The following GLT1D1 variants were observed in gnomAD, a reference collection of about 807,000 sequenced individuals.
GLT1D1 encodes glycosyltransferase 1 domain containing 1.
In GLT1D1, 21 loss-of-function variants were observed where a neutral mutation model predicts 28.7. That is an observed-to-expected ratio of 0.73 (90% CI 0.52 to 1.05). GLT1D1 has a LOEUF of 1.05. Among genes scored for constraint, GLT1D1 ranks in the 50% least tolerant of loss-of-function variants. The pLI is 0.00. For synonymous variants in GLT1D1, 147 were observed against 124.8 expected (o/e 1.18, Z -1.19); for missense variants, 343 against 330.6 (o/e 1.04, Z -0.29).
At position 128,968,047 on chromosome 12, in the gene GLT1D1, A is replaced by T. The variant is rs183198299; in HGVS notation, c.639+10404A>T. On this transcript the variant is annotated intron_variant, in intron 7 of 7. Coordinates refer to ENST00000281703, the MANE Select transcript of GLT1D1 (RefSeq NM_144669.3). ...AGTCTCGCTCTGTCGCCCAGGCTGG[A>T]GTGCAGTGGCGCAAACTCAGCTCAC... 1.6e-3 allele frequency among the ~76,000 whole-genome samples: 243 copies of T among 152,162 alleles called. 1 individual carries two copies. Among genetic ancestry groups the T allele is most frequent in the African/African-American group, 5.3e-3 (221 of 41,538 alleles).
At position 128,949,161 on chromosome 12, in the gene GLT1D1, G is replaced by A. The variant is rs1425883480; in HGVS notation, c.540+1703G>A. Among the ~76,000 whole-genome samples, 124 of 152,308 alleles carry A rather than the reference G, an allele frequency of 8.1e-4. 1 individual carries two copies. Among genetic ancestry groups the A allele is most frequent in the Non-Finnish European group, 1.9e-4 (13 of 68,034 alleles). ...TTGAACTATTGTGAACTGCTCCTTTGTAGGTAAATATACATTTTTTTTCAA... is the reference window on the plus strand; with the variant it reads ...TTGAACTATTGTGAACTGCTCCTTTATAGGTAAATATACATTTTTTTTCAA... On this transcript the variant is annotated intron_variant, in intron 6 of 7. Coordinates refer to ENST00000281703, the MANE Select transcript of GLT1D1 (RefSeq NM_144669.3).
intron 4 of GLT1D1, among the ~76,000 whole-genome samples, chr12:128,939,696 G>A (rs1004442057): frequency 4.6e-5 from 7 of 152,148 alleles, no homozygotes; most frequent in African/African-American, 7.2e-5. Flanking sequence ...AGTGGAAGGC[G>A]AAGGGGAAGT....
At chr12:128,940,736 C>T (rs1417212521) in intron 4 of GLT1D1, among the ~76,000 whole-genome samples, 4 of 152,180 alleles carry the variant, frequency 2.6e-5, no homozygotes, top group African/African-American at 7.2e-5. Context: ...GGAGTCAAGT[C>T]GGGACTGGAG....
At chr12:128,857,688 G>A (rs1341636278) in intron 1 of GLT1D1, among the ~76,000 whole-genome samples, 1 of 152,138 alleles carries the variant, frequency 6.6e-6, no homozygotes, top group Non-Finnish European at 1.5e-5. Flanking sequence ...ACTGACCCTG[G>A]ACACTTGGTG....
At chr12:128,964,722 T>C (rs1397444308) in intron 7 of GLT1D1, among the ~76,000 whole-genome samples, 1 of 152,078 alleles carries the variant, frequency 6.6e-6, no homozygotes, top group African/African-American at 2.4e-5. Context: ...CACCCTGGCA[T>C]GTTGTGTTAT....
At chr12:128,962,268 T>A (rs1442648266) in intron 7 of GLT1D1, among the ~76,000 whole-genome samples, 1 of 152,258 alleles carries the variant, frequency 6.6e-6, no homozygotes, top group African/African-American at 2.4e-5. Context: ...TCAACTGTTC[T>A]CCTAGCTGCC....
chr12:128,959,311 C>G (rs1877650076), intron 7 of GLT1D1, among the ~76,000 whole-genome samples: 1 of 150,188 alleles, frequency 6.7e-6, no homozygotes, highest in Non-Finnish European at 1.5e-5. Context: ...CTTTCCCTTT[C>G]TATAGTGTGG....
At chr12:128,875,288 A>G (rs1452743985) in intron 1 of GLT1D1, among the ~76,000 whole-genome samples, 1 of 152,180 alleles carries the variant, frequency 6.6e-6, no homozygotes, top group Admixed American at 6.5e-5. Flanking sequence ...ATGCCACTGG[A>G]GGTGGCAGTG....
At chr12:128,973,953 G>T (rs1191494088) in intron 7 of GLT1D1, among the ~76,000 whole-genome samples, 74 of 146,120 alleles carry the variant, frequency 5.1e-4, no homozygotes, top group African/African-American at 5.8e-4. Context: ...GTGTGTGTGG[G>T]GGGGGCGCTT....
chr12:128,963,907 C>T (rs563693499), intron 7 of GLT1D1, among the ~76,000 whole-genome samples: 10 of 152,200 alleles, frequency 6.6e-5, no homozygotes, highest in Admixed American at 1.3e-4. Context: ...CCATCATGAG[C>T]GACACCTGTC....
Position 128,854,394 on chromosome 12 carries a change from CGTGTGTGTGT to C in GLT1D1, c.68+780_68+789del, listed in dbSNP as rs56655033. 4.7e-3 allele frequency among the ~76,000 whole-genome samples: 679 copies of C among 143,952 alleles called. 4 individuals are homozygous for C. The highest frequency in any genetic ancestry group is 0.011 in the East Asian group (51 of 4,720). The allele number at this position is 143,952 out of a possible 152,430, so 94.4% of individuals were successfully genotyped here. On this transcript the variant is annotated intron_variant, in intron 1 of 7. Coordinates refer to ENST00000281703, the MANE Select transcript of GLT1D1 (RefSeq NM_144669.3). The stretch of plus-strand genomic sequence containing the variant: ...TTAGAGCCTGCAGCTTAACAGAAGC[CGTGTGTGTGT>C]GTGTGTGTGTGTGTGTGTGTGTGTG...
rs910152537 is a variant in GLT1D1, at chr12:128,862,836, G to A, written c.68+9187G>A. On this transcript the variant is annotated intron_variant, in intron 1 of 7. Transcript: ENST00000281703. ...CTAAGCATTGTCACTTGGAAGACAAGTCTAGCATTCTAGCATGGAAGACAG... is the reference window on the plus strand; with the variant it reads ...CTAAGCATTGTCACTTGGAAGACAAATCTAGCATTCTAGCATGGAAGACAG... Among the ~76,000 whole-genome samples, 4 of 152,230 alleles carry A rather than the reference G, an allele frequency of 2.6e-5. No homozygotes were observed. In the South Asian group the frequency reaches 8.3e-4, roughly 31 times the overall value.
chr12:128,942,708 G>A (rs2135483123), intron 4 of GLT1D1, among the ~76,000 whole-genome samples: 1 of 149,188 alleles, frequency 6.7e-6, no homozygotes, highest in East Asian at 2.0e-4. Context: ...CCCCACTCAG[G>A]AATCACTTTA....
chr12:128,876,132 T>C (rs1956865676), intron 2 of GLT1D1, 70 bp downstream of exon 2: 1 of 1,359,092 alleles, frequency 7.4e-7, no homozygotes, highest in Non-Finnish European at 1.0e-6. Flanking sequence ...TAATGTCCAA[T>C]AACACGGGAA....
intron 1 of GLT1D1, among the ~76,000 whole-genome samples, chr12:128,861,804 C>G (rs1398368278): frequency 6.6e-6 from 1 of 152,086 alleles, no homozygotes; most frequent in Non-Finnish European, 1.5e-5. Context: ...CTTTCCCTTC[C>G]AGGCCCGGCT....
At chr12:128,959,751 T>C (rs778333939) in intron 7 of GLT1D1, among the ~76,000 whole-genome samples, 1 of 152,190 alleles carries the variant, frequency 6.6e-6, no homozygotes, top group Non-Finnish European at 1.5e-5. Flanking sequence ...TTTACCATAT[T>C]CCATGTCTCT....
chr12:128,899,034 T>C (rs1869947306), intron 3 of GLT1D1, among the ~76,000 whole-genome samples: 1 of 152,208 alleles, frequency 6.6e-6, no homozygotes, highest in Non-Finnish European at 1.5e-5. Flanking sequence ...CTTCGTTTGG[T>C]TTACTTCTTG....
At chr12:128,888,150 C>T (rs1868609475) in intron 2 of GLT1D1, among the ~76,000 whole-genome samples, 2 of 152,198 alleles carry the variant, frequency 1.3e-5, no homozygotes, top group African/African-American at 4.8e-5. Context: ...CATAATTTAT[C>T]ACCCCTGCTG....
intron 1 of GLT1D1, among the ~76,000 whole-genome samples, chr12:128,860,135 C>A (rs1956319469): frequency 6.6e-6 from 1 of 152,202 alleles, no homozygotes; most frequent in South Asian, 2.1e-4. Flanking sequence ...ATTAGCAACC[C>A]ACGTCAGAAG....
Sources: allele counts gnomAD v4.1 joint callset (sites outside exome capture counted in the v4.1 genomes callset), GRCh38; gene constraint gnomAD v4.1.1; transcripts MANE v1.5; gene names NCBI Gene and HGNC (gene_info 2026-07-23, HGNC 2026-07-21).